E2F5: variants seen among roughly 807,000 people sequenced by gnomAD.
E2F5 encodes the protein E2F transcription factor 5, also known as transcription factor E2F5.
In E2F5, 23 loss-of-function variants were observed where a neutral mutation model predicts 39.1. The ratio of observed to expected loss-of-function variants is 0.59; its 90% CI spans 0.42 to 0.83. The LOEUF (loss-of-function observed/expected upper bound fraction) is 0.83. E2F5 is among the 40% of genes least tolerant of loss of function. E2F5 has a pLI of 0.00. For missense variants in E2F5, 365 were observed against 406.7 expected (o/e 0.90, Z 0.88); for synonymous variants, 145 against 157.8 (o/e 0.92, Z 0.61).
intron 1 of E2F5, among the ~76,000 whole-genome samples, chr8:85,200,575 T>TG (rs1812675921): frequency 6.6e-6 from 1 of 152,180 alleles, no homozygotes; most frequent in Non-Finnish European, 1.5e-5. Context: ...GCTATGGCTG[T>TG]GAATGCTTTT....
intron 6 of E2F5, among the ~76,000 whole-genome samples, chr8:85,211,467 G>A (rs1242680173): frequency 2.6e-5 from 4 of 151,724 alleles, no homozygotes; most frequent in African/African-American, 4.8e-5. Context: ...GAGAAATAAC[G>A]AACAGATTTG....
rs774988888 is a variant in E2F5, at chr8:85,209,304, G to C, written c.778G>C (p.Val260Leu). 4 of 1,613,956 alleles carry C rather than the reference G, an allele frequency of 2.5e-6. No homozygotes were observed. The highest frequency in any genetic ancestry group is 2.5e-6 in the Non-Finnish European group (3 of 1,179,888). Residue 260 changes from valine to leucine, a missense_variant, in exon 6 of 8, where the codon GTG (valine) becomes CTG (leucine). Transcript: ENST00000416274. ...GCCTTCCTCCCAGTCCTTGACTCCA[G>C]TGACTCCACAGAAATCCAGCATGGC... ...TQPSSQSLTPVTPQKSSMATQ... is the reference protein window; with the variant it reads ...TQPSSQSLTPLTPQKSSMATQ...
chr8:85,183,409 C>T (rs1812263735), intron 1 of E2F5, among the ~76,000 whole-genome samples: 1 of 152,040 alleles, frequency 6.6e-6, no homozygotes, highest in Admixed American at 6.6e-5. Flanking sequence ...GGGTGTATAC[C>T]CAAAGAATTG....
chr8:85,186,376 G>A (rs867423171), intron 1 of E2F5, among the ~76,000 whole-genome samples: 6 of 152,012 alleles, frequency 3.9e-5, no homozygotes, highest in Non-Finnish European at 5.9e-5. Flanking sequence ...GGCTAGGGGA[G>A]GGATAGCATT....
intron 1 of E2F5, among the ~76,000 whole-genome samples, chr8:85,183,169 G>A (rs955399484): frequency 1.2e-4 from 18 of 152,092 alleles, no homozygotes; most frequent in Non-Finnish European, 2.2e-4. Flanking sequence ...GGAGAATGGT[G>A]TGAACCCGGG....
chr8:85,181,938 G>A (rs1016475868), intron 1 of E2F5, among the ~76,000 whole-genome samples: 22 of 147,306 alleles, frequency 1.5e-4, no homozygotes, highest in African/African-American at 4.8e-4. Flanking sequence ...TCCATCCTGG[G>A]CGACAAGAGC....
intron 2 of E2F5, 74 bp downstream of exon 2, chr8:85,202,330 T>C: frequency 9.3e-7 from 1 of 1,076,928 alleles, no homozygotes; most frequent in Non-Finnish European, 1.3e-6. Flanking sequence ...ACCTTCCCAA[T>C]GTTTCTATCT....
At chr8:85,184,980 A>G (rs1812298256) in intron 1 of E2F5, among the ~76,000 whole-genome samples, 1 of 152,210 alleles carries the variant, frequency 6.6e-6, no homozygotes, top group African/African-American at 2.4e-5. Flanking sequence ...TCAAGCTACC[A>G]ATGACTTTCT....
chr8:85,212,267 A>G, intron 7 of E2F5, 63 bp downstream of exon 7: 1 of 1,213,892 alleles, frequency 8.2e-7, no homozygotes, highest in Admixed American at 2.0e-5. Context: ...TTTATAAGTG[A>G]AACATGATTT....
At chr8:85,188,317 T>A (rs1812387063) in intron 1 of E2F5, among the ~76,000 whole-genome samples, 1 of 9,856 alleles carries the variant, frequency 1.0e-4, no homozygotes, top group Non-Finnish European at 2.4e-4. Context: ...CTTAGCATCC[T>A]TTTTTTTTTT....
intron 3 of E2F5, among the ~76,000 whole-genome samples, chr8:85,203,596 T>G (rs941628829): frequency 2.0e-5 from 3 of 151,738 alleles, no homozygotes; most frequent in Non-Finnish European, 4.4e-5. Flanking sequence ...TTTGTATTTT[T>G]AAATAATTAT....
chr8:85,180,344 A>T (rs1409273580), intron 1 of E2F5, among the ~76,000 whole-genome samples: 1 of 151,714 alleles, frequency 6.6e-6, no homozygotes, highest in Non-Finnish European at 1.5e-5. Context: ...TTGATAATAC[A>T]TATTAAAGAT....
intron 1 of E2F5, among the ~76,000 whole-genome samples, chr8:85,182,285 T>C (rs1485875533): frequency 6.6e-6 from 1 of 152,238 alleles, no homozygotes; most frequent in African/African-American, 2.4e-5. Flanking sequence ...GCTAATGTTA[T>C]CCTCTTAACA....
intron 2 of E2F5, 121 bp from the exon 3 acceptor site, chr8:85,202,973 A>T: frequency 1.4e-6 from 1 of 701,202 alleles, no homozygotes; most frequent in Non-Finnish European, 2.0e-6. Flanking sequence ...GCTTGATTTT[A>T]AGAGTGTAAA....
chr8:85,178,792 GC>G (rs1812141837), intron 1 of E2F5, among the ~76,000 whole-genome samples: 1 of 152,138 alleles, frequency 6.6e-6, no homozygotes, highest in African/African-American at 2.4e-5. Context: ...TCTGCTAGAG[GC>G]CCTCCTCCAG....
chr8:85,180,511 C>CATACATAT (rs1812183463), intron 1 of E2F5, among the ~76,000 whole-genome samples: 1 of 80,858 alleles, frequency 1.2e-5, no homozygotes, highest in Non-Finnish European at 2.1e-5. Context: ...AGAAACTATA[C>CATACATAT]ATATATATAT....
In E2F5 at chr8:85,209,236, A is replaced by G; in HGVS notation, c.710A>G (p.Lys237Arg). The G allele has an allele frequency of 6.2e-7, 1 of 1,614,030 alleles. No homozygotes were observed. The highest frequency in any genetic ancestry group is 1.1e-5 in the South Asian group (1 of 91,076). ...ATAAATAAAGAGTCGAGTTCATCTA[A>G]GCCCGTGGTTTTTCCTGTTCCCCCA... is the stretch of plus-strand genomic sequence containing the variant. ...LLINKESSSS[K>R]PVVFPVPPPD... is the part of the protein sequence containing the mutation. The change falls in exon 6 of 8, where the codon AAG becomes AGG. Residue 237 changes from lysine (K) to arginine (R), a missense_variant. By Grantham distance (26) the Lys-to-Arg change is conservative. Transcript: ENST00000416274.
intron 5 of E2F5, among the ~76,000 whole-genome samples, chr8:85,207,836 G>C (rs1240442964): frequency 6.6e-6 from 1 of 152,164 alleles, no homozygotes; most frequent in African/African-American, 2.4e-5. Flanking sequence ...TTCAGGCTAT[G>C]TGAATAAGGT....
rs1435967163 is a variant in E2F5 at position 85,209,086 on chromosome 8, A to C, written c.616-56A>C. On this transcript the variant is annotated intron_variant, in intron 5 of 7. Transcript: ENST00000416274. ...TTTGCCTGTCTTATTGTACTGTCTTAAGTTAGCTAGAAATGTTAATAATTA... is the reference window on the plus strand; with the variant it reads ...TTTGCCTGTCTTATTGTACTGTCTTCAGTTAGCTAGAAATGTTAATAATTA... The C allele has an allele frequency of 2.8e-5, 44 of 1,557,854 alleles. No homozygotes were observed. The Middle Eastern group carries it at 5.3e-4, about 19-fold the overall frequency.
Sources: gnomAD v4.1 joint callset for allele counts (sites outside exome capture counted in the v4.1 genomes callset) on GRCh38, gnomAD v4.1.1 for gene constraint, MANE v1.5 for transcripts, NCBI Gene and HGNC (gene_info 2026-07-23, HGNC 2026-07-21) for gene names.